The following CNTNAP2 variants were observed in gnomAD, a reference collection of about 807,000 sequenced individuals.
The protein encoded by CNTNAP2 is contactin-associated protein-like 2.
In CNTNAP2, 98 loss-of-function variants were observed where a neutral mutation model predicts 155.2. The ratio of observed to expected loss-of-function variants is 0.63; its 90% CI spans 0.54 to 0.75. CNTNAP2 has a LOEUF of 0.75. Among genes scored for constraint, CNTNAP2 ranks in the 30% least tolerant of loss-of-function variants. The probability of loss-of-function intolerance (pLI) is 0.00; values close to 1 mark genes in which losing one functional copy is unlikely to be tolerated. For missense variants in CNTNAP2, 1,727 were observed against 1,688.1 expected, an observed-to-expected ratio of 1.02 and a Z score of -0.40; for synonymous variants, 651 against 631.2, an observed-to-expected ratio of 1.03 and a Z score of -0.47.
intron 1 of CNTNAP2, among the ~76,000 whole-genome samples, chr7:146,329,636 A>G (rs1247676273): frequency 6.6e-6 from 1 of 152,172 alleles, no homozygotes; most frequent in African/African-American, 2.4e-5. Context: ...GATTTTTATT[A>G]TGTCAGTTTC....
intron 3 of CNTNAP2, among the ~76,000 whole-genome samples, chr7:146,916,701 TTTCTC>T (rs1270825828): frequency 6.6e-6 from 1 of 152,156 alleles, no homozygotes; most frequent in Non-Finnish European, 1.5e-5. Context: ...ATTTGGATCT[TTTCTC>T]TTCTTTTTTT....
chr7:148,229,865 AG>A, intron 20 of CNTNAP2, 86 bp downstream of exon 20: 1 of 1,502,542 alleles, frequency 6.7e-7, no homozygotes, highest in Non-Finnish European at 9.1e-7. Context: ...TTTTGTTTTG[AG>A]GGGATAGAAG....
At position 146,928,631 on chromosome 7, in the gene CNTNAP2, G is replaced by C. The variant is rs112161362; in HGVS notation, c.402+88727G>C. Among the ~76,000 whole-genome samples, 379 of 152,304 alleles carry C rather than the reference G, an allele frequency of 2.5e-3. 1 individual carries two copies. The highest frequency in any genetic ancestry group is 8.7e-3 in the African/African-American group (361 of 41,560). On this transcript the variant is annotated intron_variant, in intron 3 of 23. Coordinates refer to ENST00000361727, the MANE Select transcript of CNTNAP2 (RefSeq NM_014141.6). ...CCGTGCACGAGCCGAAGCAGGGCGAGGCATTGCCTCACTCGGGAAGCACAA... is the reference window on the plus strand; with the variant it reads ...CCGTGCACGAGCCGAAGCAGGGCGACGCATTGCCTCACTCGGGAAGCACAA...
intron 3 of CNTNAP2, among the ~76,000 whole-genome samples, chr7:146,840,585 A>G (rs1046689724): frequency 4.0e-5 from 6 of 151,886 alleles, no homozygotes; most frequent in African/African-American, 1.2e-4. Flanking sequence ...ATATTAAACC[A>G]GAAGAAGAAG....
chr7:147,182,887 T>C (rs139599145), intron 8 of CNTNAP2, among the ~76,000 whole-genome samples: 138 of 152,276 alleles, frequency 9.1e-4, no homozygotes, highest in African/African-American at 3.2e-3. Context: ...TTCATACTTA[T>C]TAGAAATACT....
intron 13 of CNTNAP2, among the ~76,000 whole-genome samples, chr7:147,730,858 T>C (rs76534122): frequency 0.19 from 29,265 of 152,086 alleles, 3,242 homozygotes; most frequent in Middle Eastern, 0.38. Flanking sequence ...GCTACTCCAG[T>C]GAAAACATGA....
intron 18 of CNTNAP2, among the ~76,000 whole-genome samples, chr7:148,205,479 A>G (rs529497432): frequency 8.3e-4 from 126 of 152,352 alleles, no homozygotes; most frequent in African/African-American, 2.7e-3. Flanking sequence ...CTGCACAACT[A>G]TGTTGCAGTT....
chr7:148,225,689 G>T (rs1350172800), intron 19 of CNTNAP2, among the ~76,000 whole-genome samples: 1 of 152,200 alleles, frequency 6.6e-6, no homozygotes. Context: ...AAGGACAAAA[G>T]CTAGTATAAT....
chr7:146,769,034 T>G (rs138448926), intron 1 of CNTNAP2, among the ~76,000 whole-genome samples: 49 of 152,318 alleles, frequency 3.2e-4, no homozygotes, highest in African/African-American at 1.2e-3. Context: ...GCCAATAATT[T>G]CCTCTGCTCC....
chr7:147,788,678 A>G (rs922281934), intron 13 of CNTNAP2, among the ~76,000 whole-genome samples: 5 of 151,964 alleles, frequency 3.3e-5, no homozygotes, highest in African/African-American at 1.2e-4. Context: ...TCAACTTGCT[A>G]TTTAATAGCT....
chr7:146,268,381 A>G (rs1250838198), intron 1 of CNTNAP2, among the ~76,000 whole-genome samples: 1 of 152,196 alleles, frequency 6.6e-6, no homozygotes, highest in Non-Finnish European at 1.5e-5. Flanking sequence ...TTTTATGGTC[A>G]TCCTATAGTC....
intron 1 of CNTNAP2, among the ~76,000 whole-genome samples, chr7:146,421,605 T>C: frequency 6.6e-6 from 1 of 152,096 alleles, no homozygotes; most frequent in South Asian, 2.1e-4. Flanking sequence ...AAGTTAATGA[T>C]CTAAATATTT....
chr7:146,536,533 A>C (rs1012312762), intron 1 of CNTNAP2, among the ~76,000 whole-genome samples: 4 of 151,940 alleles, frequency 2.6e-5, no homozygotes, highest in East Asian at 1.9e-4. Flanking sequence ...GGAAGTAAGG[A>C]GGGATGAGAA....
chr7:146,158,863 A>G (rs1798170148), intron 1 of CNTNAP2, among the ~76,000 whole-genome samples: 1 of 152,212 alleles, frequency 6.6e-6, no homozygotes, highest in South Asian at 2.1e-4. Context: ...GAGGCAGGCC[A>G]ACATTCAACT....
intron 13 of CNTNAP2, among the ~76,000 whole-genome samples, chr7:147,880,675 G>A (rs1044321366): frequency 2.6e-5 from 4 of 151,996 alleles, no homozygotes; most frequent in African/African-American, 7.2e-5. Flanking sequence ...ACCAGCTCTC[G>A]GGACATAGGT....
chr7:147,094,873 T>C (rs1167499416), intron 4 of CNTNAP2, among the ~76,000 whole-genome samples: 1 of 152,094 alleles, frequency 6.6e-6, no homozygotes, highest in Non-Finnish European at 1.5e-5. Context: ...ATAACAGAAA[T>C]CTAATTTTGC....
intron 1 of CNTNAP2, among the ~76,000 whole-genome samples, chr7:146,508,275 C>CGTATTTGATACGTTTGAGCCATTT (rs1358459651): frequency 6.6e-6 from 1 of 152,112 alleles, no homozygotes; most frequent in Non-Finnish European, 1.5e-5. Context: ...TATGTCCACC[C>CGTATTTGATACGTTTGAGCCATTT]GATAATGGCT....
chr7:148,362,421 A>G (rs561964327), intron 21 of CNTNAP2, among the ~76,000 whole-genome samples: 111 of 152,318 alleles, frequency 7.3e-4, no homozygotes, highest in African/African-American at 2.6e-3. Context: ...TCACACTCAC[A>G]GGTAATTTGA....
chr7:147,286,618 G>A (rs1805185543), intron 8 of CNTNAP2, among the ~76,000 whole-genome samples: 1 of 152,098 alleles, frequency 6.6e-6, no homozygotes, highest in Non-Finnish European at 1.5e-5. Context: ...CTGAACCTGA[G>A]AGAAGACCTA....
Sources: allele counts gnomAD v4.1 joint callset (sites outside exome capture counted in the v4.1 genomes callset), GRCh38; gene constraint gnomAD v4.1.1; transcripts MANE v1.5; gene names NCBI Gene and HGNC (gene_info 2026-07-23, HGNC 2026-07-21).